Variants in FXR1 observed in about 807,000 individuals in gnomAD.
FXR1 encodes RNA-binding protein FXR1.
In FXR1, 15 loss-of-function variants were observed where a neutral mutation model predicts 84.0. That is an observed-to-expected ratio of 0.18 (90% CI 0.12 to 0.27). The LOEUF is 0.27. FXR1 is among the 10% of genes least tolerant of loss of function. The pLI, the probability that FXR1 is intolerant of heterozygous loss-of-function variation, is 1.00. For missense variants in FXR1, 480 were observed against 774.4 expected, an observed-to-expected ratio of 0.62 and a Z score of 4.51; for synonymous variants, 245 against 250.7, an observed-to-expected ratio of 0.98 and a Z score of 0.21.
At chr3:180,939,264 G>A (rs1164472804) in intron 3 of FXR1, among the ~76,000 whole-genome samples, 1 of 152,110 alleles carries the variant, frequency 6.6e-6, no homozygotes, top group African/African-American at 2.4e-5. Context: ...ACCGGTGGGG[G>A]GGTGTGGGTG....
At chr3:180,952,530 C>T (rs993577480) in intron 8 of FXR1, among the ~76,000 whole-genome samples, 1 of 151,582 alleles carries the variant, frequency 6.6e-6, no homozygotes, top group Non-Finnish European at 1.5e-5. Flanking sequence ...GTCCTCTAGC[C>T]TGAGCAACAG....
At chr3:180,961,661 T>C in intron 11 of FXR1, 107 bp downstream of exon 11, 1 of 560,376 alleles carries the variant, frequency 1.8e-6, no homozygotes, top group Non-Finnish European at 3.2e-6. Flanking sequence ...ACATTTTATA[T>C]TTGAAGTAAA....
rs188847795 is a variant in FXR1, at chr3:180,916,823, A to G, written c.51+4087A>G. Among the ~76,000 whole-genome samples, 420 of 152,244 alleles carry G rather than the reference A, an allele frequency of 2.8e-3. 2 individuals carry two copies. Among genetic ancestry groups the G allele is most frequent in the Middle Eastern group, 0.01 (3 of 294 alleles). The stretch of plus-strand genomic sequence containing the variant: ...CTCTGAGATTTCAGTCACTTTCTGC[A>G]GAAGGTAGAGTTACATTTTTTTGTT... On this transcript the variant is annotated intron_variant, in intron 1 of 16. Coordinates refer to ENST00000357559, the MANE Select transcript of FXR1 (RefSeq NM_005087.4).
At chr3:180,953,176 A>G (rs1463641382) in intron 8 of FXR1, among the ~76,000 whole-genome samples, 1 of 152,198 alleles carries the variant, frequency 6.6e-6, no homozygotes, top group African/African-American at 2.4e-5. Flanking sequence ...ACACGTTAAA[A>G]GTGAAAGTGA....
chr3:180,928,125 A>AT (rs11425748), intron 1 of FXR1, among the ~76,000 whole-genome samples: 35,793 of 141,594 alleles, frequency 0.25, 4,473 homozygotes, highest in African/African-American at 0.3. Context: ...TTATCTATTG[A>AT]TTTTTTTTTT....
chr3:180,926,477 T>C lies in FXR1; in HGVS notation c.52-6857T>C, dbSNP rs927467384. On this transcript the variant is annotated intron_variant, in intron 1 of 16. Coordinates refer to ENST00000357559, the MANE Select transcript of FXR1 (RefSeq NM_005087.4). Reference sequence around the variant, plus strand: ...TAATCTCTATTTAGGGGGATTGTACTGTATATATATATATATATATATATA... The same window carrying C: ...TAATCTCTATTTAGGGGGATTGTACCGTATATATATATATATATATATATA... Among the ~76,000 whole-genome samples the C allele has an allele frequency of 6.8e-4, 32 of 46,836 alleles. No individual in the cohort carries two copies. In the East Asian group the frequency reaches 0.014, roughly 20 times the overall value. 30.7% of individuals were successfully genotyped at this position (46,836 alleles called of 152,430 possible). A position where few individuals can be genotyped will look rare whatever the true frequency, so the allele number is the denominator to read the frequency against.
chr3:180,949,082 G>A lies in FXR1; in HGVS notation c.514-145G>A, dbSNP rs1414431255. 5.8e-6 allele frequency: 4 copies of A among 684,078 alleles called. No individual in the cohort carries two copies. In the East Asian group the frequency reaches 9.9e-5, roughly 17 times the overall value. The allele number at this position is 684,078 out of a possible 1,614,324, so 42.4% of individuals were successfully genotyped here. On this transcript the variant is annotated intron_variant, in intron 6 of 16. Transcript: ENST00000357559. The stretch of plus-strand genomic sequence containing the variant: ...ATAATACAGGAATTCAGAAAGGAAA[G>A]TGTGATTACTCAGAGTAGTGAGTGT...
At chr3:180,936,370 C>T (rs911067645) in intron 3 of FXR1, among the ~76,000 whole-genome samples, 1 of 152,160 alleles carries the variant, frequency 6.6e-6, no homozygotes, top group Non-Finnish European at 1.5e-5. Context: ...CAGGTTCAAG[C>T]GATTCTCCTG....
In FXR1 at chr3:180,981,184, C is replaced by G. The variant is rs1714592801; in HGVS notation, c.*4892C>G. 6.6e-6 allele frequency: 1 copy of G among 151,936 alleles called. No individual in the cohort carries two copies. The highest frequency in any genetic ancestry group is 1.5e-5 in the Non-Finnish European group (1 of 67,916). 9.4% of individuals were successfully genotyped at this position (151,936 alleles called of 1,614,324 possible). A position where few individuals can be genotyped will look rare whatever the true frequency, so the allele number is the denominator to read the frequency against. ...CTCTGCATTCTAACCTAAAACCCCT[C>G]TAACCCTTTAAATGAAGCATTATGC... On this transcript the variant is annotated 3_prime_UTR_variant, in exon 17 of 17. Transcript: ENST00000357559.
chr3:180,915,520 G>A, intron 1 of FXR1: 1 of 1,480,610 alleles, frequency 6.8e-7, no homozygotes, highest in Non-Finnish European at 9.1e-7. Context: ...ATAATACATG[G>A]TCACTGAGGT....
chr3:180,947,519 C>A (rs1434365419), intron 3 of FXR1, among the ~76,000 whole-genome samples: 1 of 152,092 alleles, frequency 6.6e-6, no homozygotes, highest in African/African-American at 2.4e-5. Flanking sequence ...TTTCTGAGAA[C>A]AATTTTTAAT....
chr3:180,920,720 A>G (rs1461460793), intron 1 of FXR1, among the ~76,000 whole-genome samples: 1 of 152,122 alleles, frequency 6.6e-6, no homozygotes, highest in African/African-American at 2.4e-5. Flanking sequence ...CGTGTTGACT[A>G]GGCTGACCTT....
intron 3 of FXR1, among the ~76,000 whole-genome samples, chr3:180,940,483 C>T (rs1720995565): frequency 6.6e-6 from 1 of 152,078 alleles, no homozygotes; most frequent in African/African-American, 2.4e-5. Flanking sequence ...AGATATCTGC[C>T]TTGCTCAGCA....
chr3:180,917,127 C>G (rs1185424031), intron 1 of FXR1, among the ~76,000 whole-genome samples: 3 of 152,210 alleles, frequency 2.0e-5, no homozygotes, highest in Admixed American at 6.5e-5. Context: ...TGAGCCACCG[C>G]GCCTGGCCAG....
At chr3:180,933,219 A>G (rs1225236427) in intron 1 of FXR1, 115 bp from the exon 2 acceptor site, 10 of 651,442 alleles carry the variant, frequency 1.5e-5, no homozygotes, top group East Asian at 1.1e-4. Flanking sequence ...ACATCTGCCT[A>G]ATTCCAAACC....
chr3:180,978,565 T>C lies in FXR1; in HGVS notation c.*2273T>C, dbSNP rs1275007205. On this transcript the variant is annotated 3_prime_UTR_variant, in exon 17 of 17. Transcript: ENST00000357559. ...TTGCTATGGGAAGAACTTGCCACTA[T>C]ACACTAAACAGACACTTAAGCAAAA... 1.3e-5 allele frequency: 2 copies of C among 152,082 alleles called. No individual in the cohort carries two copies. Among genetic ancestry groups the C allele is most frequent in the Non-Finnish European group, 2.9e-5 (2 of 67,972 alleles). 9.4% of individuals were successfully genotyped at this position (152,082 alleles called of 1,614,324 possible). A position where few individuals can be genotyped will look rare whatever the true frequency, so the allele number is the denominator to read the frequency against.
chr3:180,963,363 G>T (rs1161485414), intron 13 of FXR1, among the ~76,000 whole-genome samples: 1 of 152,056 alleles, frequency 6.6e-6, no homozygotes, highest in Non-Finnish European at 1.5e-5. Context: ...TATTTACAAA[G>T]AATACATATG....
chr3:180,927,722 A>G lies in FXR1; in HGVS notation c.52-5612A>G, dbSNP rs578102975. ...GTAGGATCTACAAGACACAAACTGA[A>G]GAGAAAAGCGAAGTTCAGAACAAAT... On this transcript the variant is annotated intron_variant, in intron 1 of 16. Coordinates refer to ENST00000357559, the MANE Select transcript of FXR1 (RefSeq NM_005087.4). 1.5e-5 allele frequency: 7 copies of G among 453,090 alleles called. No individual in the cohort carries two copies. The South Asian group carries it at 3.4e-4, about 22-fold the overall frequency. The allele number at this position is 453,090 out of a possible 1,614,324, so 28.1% of individuals were successfully genotyped here.
Position 180,976,803 on chromosome 3 carries a change from A to G in FXR1, c.*511A>G, listed in dbSNP as rs1206538090. The G allele has an allele frequency of 6.6e-6, 1 of 152,608 alleles. No individual in the cohort carries two copies. The highest frequency in any genetic ancestry group is 2.4e-5 in the African/African-American group (1 of 41,434). The allele number at this position is 152,608 out of a possible 1,614,324, so 9.5% of individuals were successfully genotyped here. ...TTTTTAAATGCTGTATGTAGAGGAA[A>G]ATCTGCAGACCACTGGAATACATTT... On this transcript the variant is annotated 3_prime_UTR_variant, in exon 17 of 17. Transcript: ENST00000357559.
Sources: allele counts gnomAD v4.1 joint callset (sites outside exome capture counted in the v4.1 genomes callset), GRCh38; gene constraint gnomAD v4.1.1; transcripts MANE v1.5; gene names NCBI Gene and HGNC (gene_info 2026-07-23, HGNC 2026-07-21).